The following AQR variants were observed in gnomAD, a reference collection of about 807,000 sequenced individuals.
AQR encodes the protein aquarius intron-binding spliceosomal factor, also known as RNA helicase aquarius.
In AQR, 61 loss-of-function variants were observed where a neutral mutation model predicts 180.5. That is an observed-to-expected ratio of 0.34 (90% CI 0.28 to 0.42). The LOEUF is 0.42. AQR is among the 10% of genes least tolerant of loss of function. AQR has a pLI of 1.00. For synonymous variants in AQR, 551 were observed against 588.8 expected (o/e 0.94, Z 0.93); for missense variants, 1,281 against 1,798.3 (o/e 0.71, Z 5.20).
chr15:34,906,324 T>C (rs1204873964), intron 18 of AQR, among the ~76,000 whole-genome samples: 1 of 152,134 alleles, frequency 6.6e-6, no homozygotes, highest in Non-Finnish European at 1.5e-5. Context: ...TGAGCCGAGA[T>C]TGTGCCACTG....
At chr15:34,902,906 T>G (rs1443065301) in intron 19 of AQR, among the ~76,000 whole-genome samples, 1 of 152,146 alleles carries the variant, frequency 6.6e-6, no homozygotes, top group Non-Finnish European at 1.5e-5. Flanking sequence ...CTCATAGACT[T>G]GCTTGCTTCA....
intron 4 of AQR, among the ~76,000 whole-genome samples, chr15:34,950,927 G>A (rs1204962988): frequency 6.6e-6 from 1 of 151,672 alleles, no homozygotes; most frequent in African/African-American, 2.4e-5. Flanking sequence ...TCTTATCTTG[G>A]GTGTTATCTG....
intron 5 of AQR, among the ~76,000 whole-genome samples, chr15:34,944,963 T>C (rs746754049): frequency 5.9e-5 from 9 of 152,232 alleles, no homozygotes; most frequent in Non-Finnish European, 1.2e-4. Context: ...ACTAGTTGTT[T>C]TCATTCACTT....
intron 16 of AQR, among the ~76,000 whole-genome samples, chr15:34,913,689 T>C (rs1306916499): frequency 3.3e-5 from 5 of 152,196 alleles, no homozygotes; most frequent in Non-Finnish European, 7.4e-5. Context: ...AATAAATCGC[T>C]AGTCTGCAAA....
chr15:34,957,518 G>A (rs1271903850), intron 3 of AQR, among the ~76,000 whole-genome samples: 5 of 150,876 alleles, frequency 3.3e-5, no homozygotes, highest in South Asian at 2.1e-4. Context: ...CCTGACAAAC[G>A]TGGAGAAACC....
chr15:34,929,817 C>A (rs1184142148), intron 12 of AQR, among the ~76,000 whole-genome samples: 1 of 152,120 alleles, frequency 6.6e-6, no homozygotes, highest in Admixed American at 6.6e-5. Flanking sequence ...AACTGGAGCT[C>A]AAGAACAAGA....
chr15:34,954,494 A>G (rs1047032209), intron 3 of AQR, among the ~76,000 whole-genome samples: 1 of 151,826 alleles, frequency 6.6e-6, no homozygotes, highest in Non-Finnish European at 1.5e-5. Flanking sequence ...TTTAGTAGAG[A>G]TGAAGTCTCA....
chr15:34,897,039 G>T, intron 21 of AQR, 73 bp from the exon 22 acceptor site: 1 of 1,227,562 alleles, frequency 8.1e-7, no homozygotes, highest in South Asian at 1.3e-5. Flanking sequence ...AGACAACAAT[G>T]ACCAGTGGTC....
chr15:34,917,564 C>T (rs984746089), intron 15 of AQR, among the ~76,000 whole-genome samples: 1 of 151,986 alleles, frequency 6.6e-6, no homozygotes, highest in Non-Finnish European at 1.5e-5. Context: ...TGATCATTAC[C>T]TGCTTTACAT....
chr15:34,909,813 C>T (rs1440513070), intron 17 of AQR, among the ~76,000 whole-genome samples: 2 of 152,108 alleles, frequency 1.3e-5, no homozygotes, highest in African/African-American at 2.4e-5. Context: ...TGCCAGAAAT[C>T]CATAAATATT....
At chr15:34,893,287 G>A (rs769113097) in intron 23 of AQR, among the ~76,000 whole-genome samples, 12 of 152,028 alleles carry the variant, frequency 7.9e-5, no homozygotes, top group Admixed American at 3.3e-4. Context: ...GAGTAAGACC[G>A]CACAATATAA....
At chr15:34,968,118 T>A (rs1409094800) in intron 1 of AQR, among the ~76,000 whole-genome samples, 2 of 149,574 alleles carry the variant, frequency 1.3e-5, no homozygotes, top group African/African-American at 4.9e-5. Context: ...CGGCTGAAGA[T>A]TTTAAGGACA....
Position 34,856,627 on chromosome 15 carries a change from A to G in AQR, c.*165T>C, listed in dbSNP as rs895755983. On this transcript the variant is annotated 3_prime_UTR_variant, in exon 35 of 35. Coordinates refer to ENST00000156471, the MANE Select transcript of AQR (RefSeq NM_014691.3). Reference sequence around the variant, plus strand: ...AATGAAACTAGAATTGTTCATACACATAATTTAAAAAAATATATTCAAGAC... The same window carrying G: ...AATGAAACTAGAATTGTTCATACACGTAATTTAAAAAAATATATTCAAGAC... 1 of 549,172 alleles carries G rather than the reference A, an allele frequency of 1.8e-6. No homozygotes were observed. The highest frequency in any genetic ancestry group is 3.0e-6 in the Non-Finnish European group (1 of 335,154). The allele number at this position is 549,172 out of a possible 1,614,324, so 34.0% of individuals were successfully genotyped here.
At chr15:34,941,321 AAT>A (rs1485398441) in intron 7 of AQR, among the ~76,000 whole-genome samples, 1 of 152,216 alleles carries the variant, frequency 6.6e-6, no homozygotes, top group Non-Finnish European at 1.5e-5. Context: ...AGGTTTGAAA[AAT>A]ATGAGTCTGA....
chr15:34,870,023 G>C (rs552203465), intron 31 of AQR: 7 of 152,246 alleles, frequency 4.6e-5, no homozygotes, highest in Non-Finnish European at 8.8e-5. Context: ...TCTTAGATTA[G>C]CTATGTGGGA....
rs1251251576 is a variant in AQR at position 34,948,528 on chromosome 15, G to C, written c.210-144C>G. ...TTTATAACTTGGAATCCTTGGCTGG[G>C]TGTGGTAGCTCATGCCTGTAATCCC... On this transcript the variant is annotated intron_variant, in intron 4 of 34. Coordinates refer to ENST00000156471, the MANE Select transcript of AQR (RefSeq NM_014691.3). The C allele has an allele frequency of 4.5e-6, 5 of 1,117,562 alleles. No individual in the cohort carries two copies. The East Asian group carries it at 1.4e-4, about 32-fold the overall frequency. The allele number at this position is 1,117,562 out of a possible 1,614,324, so 69.2% of individuals were successfully genotyped here.
intron 8 of AQR, among the ~76,000 whole-genome samples, chr15:34,940,247 A>G (rs1437751203): frequency 6.6e-6 from 1 of 152,230 alleles, no homozygotes; most frequent in Non-Finnish European, 1.5e-5. Context: ...GTTTAGAGTT[A>G]GGCTGGGTGC....
At chr15:34,868,613 C>T (rs1892772857) in intron 31 of AQR, 1 of 152,062 alleles carries the variant, frequency 6.6e-6, no homozygotes, top group African/African-American at 2.4e-5. Flanking sequence ...TCCCATGTGA[C>T]CACCACCACA....
chr15:34,860,611 G>A (rs961262777), intron 33 of AQR, among the ~76,000 whole-genome samples: 2 of 152,196 alleles, frequency 1.3e-5, no homozygotes. Flanking sequence ...AACACAGTCT[G>A]AAACAGCAGT....
Sources: gnomAD v4.1 joint callset for allele counts (sites outside exome capture counted in the v4.1 genomes callset) on GRCh38, gnomAD v4.1.1 for gene constraint, MANE v1.5 for transcripts, NCBI Gene and HGNC (gene_info 2026-07-23, HGNC 2026-07-21) for gene names.